The following PDE8B variants were observed in gnomAD, a reference collection of about 807,000 sequenced individuals.
The protein encoded by PDE8B is phosphodiesterase 8B.
A neutral mutation model predicts 101.3 loss-of-function variants in PDE8B; 26 were observed. The ratio of observed to expected loss-of-function variants is 0.26; its 90% confidence interval spans 0.19 to 0.36. PDE8B has a LOEUF of 0.36. Among genes scored for constraint, PDE8B ranks in the 10% least tolerant of loss-of-function variants. PDE8B has a pLI of 1.00. For synonymous variants in PDE8B, 424 were observed against 429.3 expected (o/e 0.99, Z 0.15); for missense variants, 810 against 1,163.1 (o/e 0.70, Z 4.42).
At chr5:77,266,223 GA>G (rs1156461157) in intron 1 of PDE8B, among the ~76,000 whole-genome samples, 1 of 152,230 alleles carries the variant, frequency 6.6e-6, no homozygotes, top group Non-Finnish European at 1.5e-5. Flanking sequence ...GTGGATATGT[GA>G]AAGTGGTAAA....
the PDE8B span, among the ~76,000 whole-genome samples, chr5:77,109,927 G>GTTTTTTTTTTTTTTTTTTT: frequency 3.0e-5 from 2 of 67,234 alleles, 1 homozygote; most frequent in African/African-American, 1.2e-4. Flanking sequence ...TTGTATTTCA[G>GTTTTTTTTTTTTTTTTTTT]TTTTTTTTTT....
At chr5:77,265,328 T>C (rs536222952) in intron 1 of PDE8B, among the ~76,000 whole-genome samples, 4 of 152,340 alleles carry the variant, frequency 2.6e-5, no homozygotes, top group African/African-American at 9.6e-5. Flanking sequence ...CTTTTCTTTA[T>C]TGATGGAAAT....
the PDE8B span, among the ~76,000 whole-genome samples, chr5:77,121,362 G>C: frequency 6.6e-6 from 1 of 152,144 alleles, no homozygotes; most frequent in Non-Finnish European, 1.5e-5. Flanking sequence ...ATCCCCCAGA[G>C]TGAGTGATTA....
At chr5:77,392,574 G>C (rs889151178) in intron 10 of PDE8B, among the ~76,000 whole-genome samples, 1 of 152,176 alleles carries the variant, frequency 6.6e-6, no homozygotes, top group Non-Finnish European at 1.5e-5. Context: ...AGGAACAATA[G>C]ATAATTTGGG....
At chr5:77,418,059 G>A (rs542379018) in intron 17 of PDE8B, among the ~76,000 whole-genome samples, 170 bp from the exon 18 acceptor site, 43 of 152,280 alleles carry the variant, frequency 2.8e-4, no homozygotes, top group Non-Finnish European at 4.6e-4. Flanking sequence ...ACAGTAAAGC[G>A]ATGCTGCATG....
At chr5:77,196,315 GCTTTTGGTAT>G in the PDE8B span, among the ~76,000 whole-genome samples, 1 of 152,084 alleles carries the variant, frequency 6.6e-6, no homozygotes, top group Non-Finnish European at 1.5e-5. Context: ...TGTGGCTTGT[GCTTTTGGTAT>G]CATATTTAAG....
At chr5:77,246,139 A>T (rs1008136938) in intron 1 of PDE8B, among the ~76,000 whole-genome samples, 3 of 152,152 alleles carry the variant, frequency 2.0e-5, no homozygotes, top group Non-Finnish European at 4.4e-5. Context: ...GGCATGAGCC[A>T]TCATGCCCTG....
Position 77,404,791 on chromosome 5 carries a change from A to G in PDE8B, c.1282A>G (p.Ser428Gly). The stretch of plus-strand genomic sequence containing the variant: ...CGTGAAATCGATATCATCTCGAGGC[A>G]GTGATGGTAAGATGTTTTTCAGATT... ...IDVKSISSRG[S>G]DAPSLQNRRY... The change falls in exon 12 of 22, where the codon AGT becomes GGT. Residue 428 changes from serine to glycine, a missense_variant. Around this residue, in one of 4 missense-constraint regions of PDE8B, gnomAD observed 75 missense variants for 76.9 expected, o/e 0.98. Coordinates refer to ENST00000264917, the MANE Select transcript of PDE8B (RefSeq NM_003719.5). The G allele has an allele frequency of 6.3e-7, 1 of 1,580,840 alleles. No individual in the cohort carries two copies. Among genetic ancestry groups the G allele is most frequent in the Non-Finnish European group, 8.7e-7 (1 of 1,149,834 alleles).
chr5:77,373,027 CAAA>C (rs35287095), intron 10 of PDE8B, among the ~76,000 whole-genome samples: 6 of 143,996 alleles, frequency 4.2e-5, no homozygotes, highest in Non-Finnish European at 3.1e-5. Context: ...GACTTCATCT[CAAA>C]AAAAAAAAAA....
At chr5:77,155,198 G>A in the PDE8B span, among the ~76,000 whole-genome samples, 4 of 152,006 alleles carry the variant, frequency 2.6e-5, no homozygotes, top group South Asian at 2.1e-4. Flanking sequence ...GTTCACCCAT[G>A]AGTATGTGTG....
intron 1 of PDE8B, among the ~76,000 whole-genome samples, chr5:77,218,508 T>A: frequency 6.6e-6 from 1 of 152,240 alleles, no homozygotes. Context: ...CCACACAGCC[T>A]GAAGCCCTAA....
intron 1 of PDE8B, among the ~76,000 whole-genome samples, chr5:77,271,481 A>G (rs377405587): frequency 1.3e-5 from 2 of 152,364 alleles, no homozygotes; most frequent in East Asian, 3.9e-4. Context: ...GATACCTTTC[A>G]AATTTCAGGT....
At chr5:77,087,987 T>C in the PDE8B span, 1 of 152,286 alleles carries the variant, frequency 6.6e-6, no homozygotes, top group African/African-American at 2.4e-5. Context: ...TCACTTTCTA[T>C]TGGTCAAAAC....
Position 77,397,026 on chromosome 5 carries a change from A to ATTTTTTTTTTTTT in PDE8B, c.1168-3210_1168-3198dup, listed in dbSNP as rs71606290. Among the ~76,000 whole-genome samples the ATTTTTTTTTTTTT allele has an allele frequency of 4.5e-4, 38 of 84,394 alleles. 2 individuals are homozygous for ATTTTTTTTTTTTT. Among genetic ancestry groups the ATTTTTTTTTTTTT allele is most frequent in the African/African-American group, 1.8e-3 (33 of 18,222 alleles). 55.4% of individuals were successfully genotyped at this position (84,394 alleles called of 152,430 possible). On this transcript the variant is annotated intron_variant, in intron 10 of 21. Coordinates refer to ENST00000264917, the MANE Select transcript of PDE8B (RefSeq NM_003719.5). ...TTGGTTTCTATATTTCCGATAAGAA[A>ATTTTTTTTTTTTT]TTTTTTTTTTTTTTTTTTTTTTTTG...
intron 1 of PDE8B, among the ~76,000 whole-genome samples, chr5:77,262,745 G>C (rs1760892251): frequency 6.6e-6 from 1 of 152,172 alleles, no homozygotes; most frequent in African/African-American, 2.4e-5. Context: ...ATTATGACAG[G>C]TCCTACCAAG....
intron 1 of PDE8B, among the ~76,000 whole-genome samples, chr5:77,246,026 A>AT (rs1756865588): frequency 6.6e-6 from 1 of 151,362 alleles, no homozygotes; most frequent in Non-Finnish European, 1.5e-5. Context: ...AACTTTTTAC[A>AT]TTTTTTGTAG....
chr5:77,417,072 C>T (rs1158624432), intron 17 of PDE8B, among the ~76,000 whole-genome samples: 1 of 152,062 alleles, frequency 6.6e-6, no homozygotes, highest in Non-Finnish European at 1.5e-5. Context: ...TTGGAAGTGA[C>T]CACCCTCGAA....
At chr5:77,226,069 A>G (rs914157522) in intron 1 of PDE8B, among the ~76,000 whole-genome samples, 4 of 152,210 alleles carry the variant, frequency 2.6e-5, no homozygotes, top group Non-Finnish European at 5.9e-5. Context: ...TCTACTAACA[A>G]TGGACCAGTT....
At chr5:77,213,390 A>C (rs933541604) in intron 1 of PDE8B, among the ~76,000 whole-genome samples, 15 of 152,228 alleles carry the variant, frequency 9.9e-5, no homozygotes, top group African/African-American at 3.6e-4. Context: ...AGAGTTATTT[A>C]TGCAAATCTT....
Sources: allele counts gnomAD v4.1 joint callset (sites outside exome capture counted in the v4.1 genomes callset), GRCh38; gene constraint gnomAD v4.1.1; regional missense constraint gnomAD v4.1.1; transcripts MANE v1.5; gene names NCBI Gene and HGNC (gene_info 2026-07-23, HGNC 2026-07-21).